LILRA2: variants seen among roughly 807,000 people sequenced by gnomAD.
LILRA2 encodes leukocyte immunoglobulin like receptor A2.
A neutral mutation model predicts 47.9 loss-of-function variants in LILRA2; 45 were observed. That is an observed-to-expected ratio of 0.94 (90% CI 0.74 to 1.20). The LOEUF is 1.20. Among genes scored for constraint, LILRA2 ranks in the 50% most tolerant of loss-of-function variants. The pLI is 0.00. For synonymous variants in LILRA2, 279 were observed against 249.2 expected, an observed-to-expected ratio of 1.12 and a Z score of -1.13; for missense variants, 651 against 598.2, an observed-to-expected ratio of 1.09 and a Z score of -0.92.
rs1328840369 is a variant in LILRA2, at chr19:54,573,829, A to G, written c.-50A>G. The G allele has an allele frequency of 1.2e-6, 2 of 1,613,790 alleles. No individual in the cohort carries two copies. Among genetic ancestry groups the G allele is most frequent in the Non-Finnish European group, 1.7e-6 (2 of 1,179,916 alleles). On this transcript the variant is annotated 5_prime_UTR_variant, in exon 1 of 8. Transcript: ENST00000391738. ...ACCCTGTGCGTCTCTCTGTCCTGCC[A>G]GCACTGAGGGCTCATCCATCCGCAG... is the stretch of plus-strand genomic sequence containing the variant.
chr19:54,580,040 A>G (rs559617352), intron 6 of LILRA2, among the ~76,000 whole-genome samples: 10 of 152,148 alleles, frequency 6.6e-5, no homozygotes, highest in Non-Finnish European at 1.3e-4. Context: ...ATATATAATC[A>G]TGTCATCTGC....
intron 6 of LILRA2, among the ~76,000 whole-genome samples, chr19:54,579,636 T>C (rs1297440729): frequency 6.6e-6 from 1 of 152,158 alleles, no homozygotes; most frequent in East Asian, 1.9e-4. Context: ...TTTTTTCCAA[T>C]TATGTGAAGA....
In LILRA2 at chr19:54,588,093, C is replaced by G. The variant is rs1021501082; in HGVS notation, c.*747C>G. 1 of 152,286 alleles carries G rather than the reference C, an allele frequency of 6.6e-6. No individual in the cohort carries two copies. The highest frequency in any genetic ancestry group is 1.9e-4 in the East Asian group (1 of 5,190). The allele number at this position is 152,286 out of a possible 1,614,324, so 9.4% of individuals were successfully genotyped here. On this transcript the variant is annotated 3_prime_UTR_variant, in exon 8 of 8. Transcript: ENST00000391738. Reference sequence around the variant, plus strand: ...GAATACAGGGTTGGGAAGCAAGGGACAGAACTGTCTTCACTAATGAGCACC... The same window carrying G: ...GAATACAGGGTTGGGAAGCAAGGGAGAGAACTGTCTTCACTAATGAGCACC...
chr19:54,577,341 G>A (rs1335121581), intron 6 of LILRA2: 1 of 672,752 alleles, frequency 1.5e-6, no homozygotes, highest in African/African-American at 1.9e-5. Context: ...GGGAGGATTT[G>A]GGGTCCAGGC....
chr19:54,574,877 A>G lies in LILRA2; in HGVS notation c.499A>G (p.Asn167Asp). 6.2e-7 allele frequency: 1 copy of G among 1,614,234 alleles called. No individual in the cohort carries two copies. The highest frequency in any genetic ancestry group is 8.5e-7 in the Non-Finnish European group (1 of 1,180,044). The change falls in exon 4 of 8, where the codon AAC becomes GAC. Residue 167 changes from asparagine (N) to aspartate (D), a missense_variant. Physicochemically the swap from Asn to Asp is conservative, Grantham distance 23 (BLOSUM62 1). Coordinates refer to ENST00000391738, the MANE Select transcript of LILRA2 (RefSeq NM_001130917.3). ...AGAAGATGAACACCCACAACGCCTGAACTCCCATTCCCATGCCCGTGGGTG... is the reference window on the plus strand; with the variant it reads ...AGAAGATGAACACCCACAACGCCTGGACTCCCATTCCCATGCCCGTGGGTG... ...EGEDEHPQRL[N>D]SHSHARGWSW...
chr19:54,577,424 G>A (rs1043987655), intron 6 of LILRA2: 1 of 1,245,212 alleles, frequency 8.0e-7, no homozygotes, highest in African/African-American at 1.5e-5. Context: ...AGAGAGGACA[G>A]ATGGACAGTG....
chr19:54,589,319 G>T lies in LILRA2; in HGVS notation c.*1973G>T, dbSNP rs546758220. 1 of 151,162 alleles carries T rather than the reference G, an allele frequency of 6.6e-6. No individual in the cohort carries two copies. The highest frequency in any genetic ancestry group is 2.4e-5 in the African/African-American group (1 of 41,524). 9.4% of individuals were successfully genotyped at this position (151,162 alleles called of 1,614,324 possible). A position where few individuals can be genotyped will look rare whatever the true frequency, so the allele number is the denominator to read the frequency against. On this transcript the variant is annotated 3_prime_UTR_variant, in exon 8 of 8. Transcript: ENST00000391738. ...ATTTATGACAGTGTCTACAAGAAAA[G>T]TATGCATAGAAATACATTTAACCAA... is the stretch of plus-strand genomic sequence containing the variant.
In LILRA2 at chr19:54,589,702, C is replaced by T. The variant is rs949929129; in HGVS notation, c.*2356C>T. 3.3e-5 allele frequency: 5 copies of T among 151,754 alleles called. No homozygotes were observed. Among genetic ancestry groups the T allele is most frequent in the Non-Finnish European group, 5.9e-5 (4 of 67,990 alleles). The allele number at this position is 151,754 out of a possible 1,614,324, so 9.4% of individuals were successfully genotyped here. On this transcript the variant is annotated 3_prime_UTR_variant, in exon 8 of 8. Coordinates refer to ENST00000391738, the MANE Select transcript of LILRA2 (RefSeq NM_001130917.3). ...CACCCCGTCTCCTTGTTCGGAGGCT[C>T]TCCTGCCTATCAGCTTTTCTCCTCT...
chr19:54,588,016 G>A lies in LILRA2; in HGVS notation c.*670G>A, dbSNP rs1428101465. On this transcript the variant is annotated 3_prime_UTR_variant, in exon 8 of 8. Coordinates refer to ENST00000391738, the MANE Select transcript of LILRA2 (RefSeq NM_001130917.3). ...ATTAGTGGTATCTACCAATTTCTGT[G>A]ACATAAATATTTTTCTCATGGCCCA... 3 of 152,410 alleles carry A rather than the reference G, an allele frequency of 2.0e-5. No homozygotes were observed. Among genetic ancestry groups the A allele is most frequent in the Non-Finnish European group, 2.9e-5 (2 of 68,216 alleles). 9.4% of individuals were successfully genotyped at this position (152,410 alleles called of 1,614,324 possible). A position where few individuals can be genotyped will look rare whatever the true frequency, so the allele number is the denominator to read the frequency against.
chr19:54,587,604 G>C lies in LILRA2; in HGVS notation c.*258G>C, dbSNP rs957579561. The C allele has an allele frequency of 1.7e-6, 1 of 604,832 alleles. No homozygotes were observed. The highest frequency in any genetic ancestry group is 2.8e-6 in the Non-Finnish European group (1 of 356,654). 37.5% of individuals were successfully genotyped at this position (604,832 alleles called of 1,614,324 possible). A position where few individuals can be genotyped will look rare whatever the true frequency, so the allele number is the denominator to read the frequency against. On this transcript the variant is annotated 3_prime_UTR_variant, in exon 8 of 8. Transcript: ENST00000391738. ...GGATCCCCTTTTTTTCCCATCCCCAGACATGAGGCTCCATCCCACATGGCA... is the reference window on the plus strand; with the variant it reads ...GGATCCCCTTTTTTTCCCATCCCCACACATGAGGCTCCATCCCACATGGCA...
rs1456891303 is a variant in LILRA2 at position 54,587,637 on chromosome 19, G to T, written c.*291G>T. On this transcript the variant is annotated 3_prime_UTR_variant, in exon 8 of 8. Transcript: ENST00000391738. ...GCTCCATCCCACATGGCACCGTTGG[G>T]TCCACACCTCCACACACCTGTGTGC... is the stretch of plus-strand genomic sequence containing the variant. 4 of 505,664 alleles carry T rather than the reference G, an allele frequency of 7.9e-6. No homozygotes were observed. The highest frequency in any genetic ancestry group is 1.4e-5 in the Non-Finnish European group (4 of 282,160). 31.3% of individuals were successfully genotyped at this position (505,664 alleles called of 1,614,324 possible).
chr19:54,574,607 G>GCCC (rs1431251575), intron 3 of LILRA2, 25 bp downstream of exon 3: 2 of 1,612,012 alleles, frequency 1.2e-6, no homozygotes. Flanking sequence ...AGGAGTCCCA[G>GCCC]CCCCAGGCTC....
intron 3 of LILRA2, 54 bp from the exon 4 acceptor site, chr19:54,574,677 G>A: frequency 6.2e-7 from 1 of 1,602,068 alleles, no homozygotes; most frequent in Non-Finnish European, 8.5e-7. Context: ...TCAACCCTGG[G>A]GATGATGTGG....
rs545058593 is a variant in LILRA2, at chr19:54,575,245, C to G, written c.656-11C>G. 1 of 1,598,848 alleles carries G rather than the reference C, an allele frequency of 6.3e-7. No individual in the cohort carries two copies. Among genetic ancestry groups the G allele is most frequent in the Non-Finnish European group, 8.5e-7 (1 of 1,172,034 alleles). ...GGTCGGCTCCTGGAAACCATGAACA[C>G]CTTTTCCCAGGTGTTTCTAAGAAGC... On this transcript the variant is annotated splice_polypyrimidine_tract_variant and intron_variant, in intron 4 of 7. Transcript: ENST00000391738.
In LILRA2 at chr19:54,576,122, A is replaced by T. The variant is rs762132753; in HGVS notation, c.1255+13A>T. The T allele has an allele frequency of 3.5e-5, 56 of 1,613,482 alleles. No homozygotes were observed. Among genetic ancestry groups the T allele is most frequent in the Non-Finnish European group, 4.4e-5 (52 of 1,179,556 alleles). On this transcript the variant is annotated intron_variant, in intron 6 of 7. Coordinates refer to ENST00000391738, the MANE Select transcript of LILRA2 (RefSeq NM_001130917.3). ...CTCGTGGTCTCAGGTGAGGGCCCTG[A>T]TCTTGTCCTCTCCGAGCTCAAAGGC...
intron 6 of LILRA2, chr19:54,577,457 T>A: frequency 7.8e-7 from 1 of 1,276,706 alleles, no homozygotes; most frequent in Non-Finnish European, 1.0e-6. Context: ...TCATTTCTCA[T>A]TTCCAAGAGC....
chr19:54,576,219 CAGGGG>C, intron 6 of LILRA2, 110 bp downstream of exon 6: 1 of 1,479,772 alleles, frequency 6.8e-7, no homozygotes, highest in Non-Finnish European at 9.3e-7. Context: ...GGAGGGTCCA[CAGGGG>C]AGGGTCCAGC....
rs536517793 is a variant in LILRA2, at chr19:54,587,839, A to G, written c.*493A>G. The G allele has an allele frequency of 1.2e-5, 2 of 165,818 alleles. No individual in the cohort carries two copies. Among genetic ancestry groups the G allele is most frequent in the South Asian group, 3.1e-4 (2 of 6,510 alleles). The allele number at this position is 165,818 out of a possible 1,614,324, so 10.3% of individuals were successfully genotyped here. A position where few individuals can be genotyped will look rare whatever the true frequency, so the allele number is the denominator to read the frequency against. On this transcript the variant is annotated 3_prime_UTR_variant, in exon 8 of 8. Coordinates refer to ENST00000391738, the MANE Select transcript of LILRA2 (RefSeq NM_001130917.3). ...CATAAATCCACCCTGCTGCCCTGAC[A>G]CCCTCTCTGTACCTTATGAGCCCTT...
chr19:54,584,798 A>T (rs8103516), intron 6 of LILRA2, among the ~76,000 whole-genome samples: 2 of 152,030 alleles, frequency 1.3e-5, no homozygotes, highest in Non-Finnish European at 2.9e-5. Context: ...CTCATTCTTC[A>T]TCCAGTCTTG....
Sources: gnomAD v4.1 joint callset for allele counts (sites outside exome capture counted in the v4.1 genomes callset) on GRCh38, gnomAD v4.1.1 for gene constraint, MANE v1.5 for transcripts, NCBI Gene and HGNC (gene_info 2026-07-23, HGNC 2026-07-21) for gene names.